The following VPS33A variants were observed in gnomAD, a reference collection of about 807,000 sequenced individuals.
VPS33A encodes vacuolar protein sorting-associated protein 33A.
Under a neutral mutation model 71.8 loss-of-function variants are expected in VPS33A, and 32 were observed. The observed-to-expected ratio is 0.45, with a 90% CI of 0.34 to 0.60. The LOEUF (loss-of-function observed/expected upper bound fraction) is 0.60. Among genes scored for constraint, VPS33A ranks in the 20% least tolerant of loss-of-function variants. The pLI is 0.02. For missense variants in VPS33A, 625 were observed against 748.5 expected, an observed-to-expected ratio of 0.84 and a Z score of 1.92; for synonymous variants, 311 against 292.7, an observed-to-expected ratio of 1.06 and a Z score of -0.64.
At chr12:122,241,604 CT>C (rs886340258) in intron 8 of VPS33A, among the ~76,000 whole-genome samples, 314 of 143,334 alleles carry the variant, frequency 2.2e-3, no homozygotes, top group Admixed American at 2.2e-3. Flanking sequence ...CTCGCCCAGT[CT>C]TTTTTTTTTT....
chr12:122,236,723 T>C (rs1229764692), intron 10 of VPS33A, among the ~76,000 whole-genome samples: 1 of 152,218 alleles, frequency 6.6e-6, no homozygotes, highest in Non-Finnish European at 1.5e-5. Context: ...CTTACATACA[T>C]TAACTCAGTC....
intron 10 of VPS33A, among the ~76,000 whole-genome samples, chr12:122,238,139 A>G (rs1334152146): frequency 6.6e-6 from 1 of 152,110 alleles, no homozygotes; most frequent in East Asian, 1.9e-4. Flanking sequence ...CAATTCCTCT[A>G]GGTGTTAAAA....
At chr12:122,252,400 C>T (rs770888094) in intron 4 of VPS33A, among the ~76,000 whole-genome samples, 1 of 152,002 alleles carries the variant, frequency 6.6e-6, no homozygotes, top group Admixed American at 6.6e-5. Flanking sequence ...TCCCAAGTAG[C>T]TGGGACTACA....
intron 2 of VPS33A, 43 bp downstream of exon 2, chr12:122,264,091 C>A: frequency 6.9e-7 from 1 of 1,446,758 alleles, no homozygotes; most frequent in Admixed American, 2.0e-5. Flanking sequence ...TGCTAAAGTA[C>A]AGAATTATTA....
At position 122,246,077 on chromosome 12, in the gene VPS33A, C is replaced by T. The variant is rs898148374; in HGVS notation, c.776-1315G>A. Among the ~76,000 whole-genome samples, 7 of 152,142 alleles carry T rather than the reference C, an allele frequency of 4.6e-5. No individual in the cohort carries two copies. In the East Asian group the frequency reaches 7.7e-4, roughly 17 times the overall value. ...ACACCCCACATGTGCTCATGAACTA[C>T]GGATGGCATGGAGCTGGTGTAACTC... On this transcript the variant is annotated intron_variant, in intron 6 of 12. Transcript: ENST00000267199.
In VPS33A at chr12:122,266,319, G is replaced by A; in HGVS notation, c.90C>T (p.Cys30=). Residue 30 remains cysteine (C), a synonymous_variant, in exon 1 of 13, where the codon TGC becomes TGT. Transcript: ENST00000267199. ...TCCCGCCCCTCACCTTGCTTCCTGC[G>A]CACTTGTCCAGGAACTCGCGCAGCT... ...RRELREFLDK[C]AGSKAIVWDE... The A allele has an allele frequency of 6.2e-7, 1 of 1,612,302 alleles. No homozygotes were observed. Among genetic ancestry groups the A allele is most frequent in the Non-Finnish European group, 8.5e-7 (1 of 1,179,910 alleles).
Position 122,229,906 on chromosome 12 carries a change from A to G in VPS33A, c.*2340T>C, listed in dbSNP as rs1262467498. ...TAGAGTCTTGGGTGAGTGCAGACAC[A>G]TGAGACTACAACTGAGTATCTGTTC... is the stretch of plus-strand genomic sequence containing the variant. On this transcript the variant is annotated 3_prime_UTR_variant, in exon 13 of 13. Transcript: ENST00000267199. 6.6e-6 allele frequency: 1 copy of G among 152,198 alleles called. No individual in the cohort carries two copies. The highest frequency in any genetic ancestry group is 1.5e-5 in the Non-Finnish European group (1 of 68,032). 9.4% of individuals were successfully genotyped at this position (152,198 alleles called of 1,614,324 possible).
At chr12:122,254,342 C>T (rs762993754) in intron 4 of VPS33A, among the ~76,000 whole-genome samples, 8 of 151,892 alleles carry the variant, frequency 5.3e-5, no homozygotes, top group Non-Finnish European at 1.0e-4. Context: ...CTGTGCCATC[C>T]GGATAAAGTC....
chr12:122,240,966 C>G (rs372265487), intron 8 of VPS33A: 1 of 152,138 alleles, frequency 6.6e-6, no homozygotes, highest in South Asian at 2.1e-4. Context: ...GAAACACCAT[C>G]TCTAGTAAAA....
At chr12:122,250,825 G>A (rs111944189) in intron 5 of VPS33A, 158 bp downstream of exon 5, 36 of 627,486 alleles carry the variant, frequency 5.7e-5, no homozygotes, top group Non-Finnish European at 9.7e-5. Flanking sequence ...CTGACTTGGA[G>A]GGTTATAAGT....
At position 122,247,513 on chromosome 12, in the gene VPS33A, C is replaced by T. The variant is rs369488227; in HGVS notation, c.775+2358G>A. On this transcript the variant is annotated intron_variant, in intron 6 of 12. Coordinates refer to ENST00000267199, the MANE Select transcript of VPS33A (RefSeq NM_022916.6). The stretch of plus-strand genomic sequence containing the variant: ...TTAAAGGTGCCATTTTTTTGACAAA[C>T]AATAATAATAAGACTTTTTACAATC... Among the ~76,000 whole-genome samples the T allele has an allele frequency of 7.2e-5, 11 of 152,156 alleles. No homozygotes were observed. In the East Asian group the frequency reaches 1.7e-3, roughly 24 times the overall value.
Position 122,266,394 on chromosome 12 carries a change from C to T in VPS33A, c.15G>A (p.Leu5=). ...CGTTTAGGTTCACTCGGCCGTAGGACAGATGAGCCGCCATCTTGCTCCACC... is the reference window on the plus strand; with the variant it reads ...CGTTTAGGTTCACTCGGCCGTAGGATAGATGAGCCGCCATCTTGCTCCACC... MAAH[L]SYGRVNLNVL... Residue 5 remains leucine (L), a synonymous_variant, in exon 1 of 13, where the codon CTG becomes CTA. Transcript: ENST00000267199. 1.2e-6 allele frequency: 2 copies of T among 1,612,086 alleles called. No homozygotes were observed. Among genetic ancestry groups the T allele is most frequent in the South Asian group, 1.1e-5 (1 of 91,046 alleles).
chr12:122,250,723 G>T, intron 5 of VPS33A, among the ~76,000 whole-genome samples: 1 of 152,206 alleles, frequency 6.6e-6, no homozygotes, highest in Non-Finnish European at 1.5e-5. Flanking sequence ...GCTGAAATGG[G>T]AAGGTGGAGT....
At position 122,261,516 on chromosome 12, in the gene VPS33A, C is replaced by T. The variant is rs1014976163; in HGVS notation, c.297-69G>A. On this transcript the variant is annotated intron_variant, in intron 3 of 12. Transcript: ENST00000267199. ...TCATGGACCATTTTGCTTTTTTTAT[C>T]CCCACTGCCTGGCACATAGCAGGCA... is the stretch of plus-strand genomic sequence containing the variant. The T allele has an allele frequency of 2.8e-6, 4 of 1,448,868 alleles. No homozygotes were observed. The African/African-American group carries it at 5.7e-5, about 21-fold the overall frequency. 89.8% of individuals were successfully genotyped at this position (1,448,868 alleles called of 1,614,324 possible).
intron 4 of VPS33A, among the ~76,000 whole-genome samples, chr12:122,252,583 TA>T (rs139930631): frequency 5.4e-5 from 8 of 148,584 alleles, no homozygotes; most frequent in Non-Finnish European, 4.5e-5. Context: ...CCCATCTCTT[TA>T]AAAAAAAAAG....
At chr12:122,234,584 G>A (rs1035639066) in intron 11 of VPS33A, among the ~76,000 whole-genome samples, 5 of 152,172 alleles carry the variant, frequency 3.3e-5, no homozygotes, top group African/African-American at 1.2e-4. Flanking sequence ...GAGCCACCGC[G>A]CCTGGCCATG....
In VPS33A at chr12:122,234,980, T is replaced by C. The variant is rs538288138; in HGVS notation, c.1440+806A>G. Among the ~76,000 whole-genome samples the C allele has an allele frequency of 2.6e-5, 4 of 152,284 alleles. No individual in the cohort carries two copies. In the South Asian group the frequency reaches 8.3e-4, roughly 32 times the overall value. On this transcript the variant is annotated intron_variant, in intron 11 of 12. Transcript: ENST00000267199. ...TCCCCACTGCACTGCCTCTCCACTC[T>C]TCCCACATCTTTATTTATTTGAGAC...
intron 11 of VPS33A, among the ~76,000 whole-genome samples, chr12:122,233,561 T>C (rs1954592522): frequency 6.6e-6 from 1 of 152,208 alleles, no homozygotes; most frequent in African/African-American, 2.4e-5. Flanking sequence ...TGGCACTCCC[T>C]AGCTGAGCAA....
At chr12:122,257,096 G>C (rs967790012) in intron 4 of VPS33A, among the ~76,000 whole-genome samples, 1 of 151,990 alleles carries the variant, frequency 6.6e-6, no homozygotes, top group Non-Finnish European at 1.5e-5. Context: ...AATAGTGATT[G>C]CTTCTGGGAT....
Sources: allele counts gnomAD v4.1 joint callset (sites outside exome capture counted in the v4.1 genomes callset), GRCh38; gene constraint gnomAD v4.1.1; transcripts MANE v1.5; gene names NCBI Gene and HGNC (gene_info 2026-07-23, HGNC 2026-07-21).